PEX16: variants seen among roughly 807,000 people sequenced by gnomAD.
The protein encoded by PEX16 is peroxisomal biogenesis factor 16, also known as peroxin 16.
Under a neutral mutation model 50.5 loss-of-function variants are expected in PEX16, and 37 were observed. That is an observed-to-expected ratio of 0.73 (90% CI 0.56 to 0.96). The LOEUF (loss-of-function observed/expected upper bound fraction) is 0.96. Among genes scored for constraint, PEX16 ranks in the 40% least tolerant of loss-of-function variants. PEX16 has a pLI of 0.00. For missense variants in PEX16, 401 were observed against 438.3 expected, an observed-to-expected ratio of 0.91 and a Z score of 0.76; for synonymous variants, 185 against 190.3, an observed-to-expected ratio of 0.97 and a Z score of 0.23.
upstream of PEX16, chr11:45,918,254 G>C (rs761078747): frequency 3.7e-6 from 1 of 271,740 alleles, no homozygotes; most frequent in Admixed American, 5.0e-5. Context: ...TCGAACGGCA[G>C]GGCCGGATTT....
At chr11:45,917,235 G>A (rs1296552332) in intron 2 of PEX16, 10 of 691,938 alleles carry the variant, frequency 1.4e-5, no homozygotes, top group Non-Finnish European at 2.6e-5. Flanking sequence ...TCCAGCGCCT[G>A]GCCAGTAGTG....
chr11:45,914,029 G>C (rs1298559622), intron 8 of PEX16, 91 bp from the exon 9 acceptor site: 60 of 1,586,068 alleles, frequency 3.8e-5, no homozygotes, highest in Non-Finnish European at 5.0e-5. Context: ...CAGAGGGGCA[G>C]CAACAGGAGG....
intron 5 of PEX16, 39 bp from the exon 6 acceptor site, chr11:45,914,723 C>T (rs1215166989): frequency 6.4e-7 from 1 of 1,554,818 alleles, no homozygotes; most frequent in Non-Finnish European, 8.9e-7. Flanking sequence ...GTCAGAGGGA[C>T]ATGCTTCCAG....
In PEX16 at chr11:45,910,971, G is replaced by A; in HGVS notation, c.888-9C>T. On this transcript the variant is annotated splice_polypyrimidine_tract_variant and intron_variant, in intron 9 of 10. Coordinates refer to ENST00000378750, the MANE Select transcript of PEX16 (RefSeq NM_004813.4). The stretch of plus-strand genomic sequence containing the variant: ...GGAAGAGGATCCTGGCCCTGGGGGA[G>A]GCAATAAATGGGGAGCAAGCTGAGT... 6.2e-7 allele frequency: 1 copy of A among 1,611,590 alleles called. No individual in the cohort carries two copies. The highest frequency in any genetic ancestry group is 1.1e-5 in the South Asian group (1 of 91,064).
At chr11:45,917,588 C>G in intron 1 of PEX16, 95 bp from the exon 2 acceptor site, 2 of 1,522,188 alleles carry the variant, frequency 1.3e-6, no homozygotes, top group East Asian at 4.7e-5. Flanking sequence ...CTTTGGGAAC[C>G]TGGACGGGTC....
chr11:45,910,165 G>T lies in PEX16; in HGVS notation c.*89C>A, dbSNP rs757852866. ...CCTGGCCGGTAGGCACGGAGAGGCC[G>T]CACGCTGGGACGCTGCCGGAGTCAG... is the stretch of plus-strand genomic sequence containing the variant. On this transcript the variant is annotated 3_prime_UTR_variant, in exon 11 of 11. Coordinates refer to ENST00000378750, the MANE Select transcript of PEX16 (RefSeq NM_004813.4). The T allele has an allele frequency of 1.4e-5, 23 of 1,612,034 alleles. No individual in the cohort carries two copies. In the East Asian group the frequency reaches 5.1e-4, roughly 36 times the overall value.
chr11:45,914,725 T>G (rs753419743), intron 5 of PEX16, 41 bp from the exon 6 acceptor site: 1 of 1,546,756 alleles, frequency 6.5e-7, no homozygotes, highest in Non-Finnish European at 8.9e-7. Flanking sequence ...CAGAGGGACA[T>G]GCTTCCAGCG....
In PEX16 at chr11:45,914,620, C is replaced by T. The variant is rs936507537; in HGVS notation, c.525G>A (p.Val175=). Residue 175 remains valine (V), a synonymous_variant, in exon 6 of 11, where the codon GTG becomes GTA. Coordinates refer to ENST00000378750, the MANE Select transcript of PEX16 (RefSeq NM_004813.4). ...TCCACTTACTGTTCTGGAGGGTTCGCACCACCCGGTTTGACCGCTTCCCCA... is the reference window on the plus strand; with the variant it reads ...TCCACTTACTGTTCTGGAGGGTTCGTACCACCCGGTTTGACCGCTTCCCCA... ...SYVGKRSNRV[V]RTLQNTPSLH... 2.5e-6 allele frequency: 4 copies of T among 1,614,184 alleles called. No individual in the cohort carries two copies. Among genetic ancestry groups the T allele is most frequent in the East Asian group, 2.2e-5 (1 of 44,888 alleles).
In PEX16 at chr11:45,916,236, C is replaced by CT; in HGVS notation, c.215dup (p.Leu73ValfsTer34). 1.2e-6 allele frequency: 2 copies of CT among 1,613,852 alleles called. No homozygotes were observed. Among genetic ancestry groups the CT allele is most frequent in the Non-Finnish European group, 8.5e-7 (1 of 1,179,874 alleles). On this transcript the variant is annotated frameshift_variant, in exon 3 of 11. Transcript: ENST00000378750. LOFTEE classifies it high-confidence loss of function. ...TTGGCAGAATTCTCACCACAGGCAA[C>CT]TTTTTCCGAAGCTCCTTCCGTAGGA... is the stretch of plus-strand genomic sequence containing the variant.
rs368365098 is a variant in PEX16, at chr11:45,914,344, A to G, written c.666T>C (p.Phe222=). The G allele has an allele frequency of 2.5e-5, 41 of 1,612,360 alleles. No individual in the cohort carries two copies. The highest frequency in any genetic ancestry group is 3.3e-5 in the Non-Finnish European group (39 of 1,180,012). Residue 222 remains phenylalanine, a synonymous_variant, in exon 7 of 11, where the codon TTT becomes TTC. Coordinates refer to ENST00000378750, the MANE Select transcript of PEX16 (RefSeq NM_004813.4). ...PLGLQETIAE[F]LYIARPLLHL... is the part of the protein sequence containing the mutation. ...GCAGCAGCGGCCGGGCAATGTACAA[A>G]AACTCTGCGATGGTCTCCTGCAGCC...
intron 2 of PEX16, chr11:45,917,102 G>T (rs781060033): frequency 1.7e-6 from 1 of 583,738 alleles, no homozygotes. Flanking sequence ...TTGGTTCTGG[G>T]ACCATCAGTG....
chr11:45,917,576 C>T, intron 1 of PEX16, 83 bp from the exon 2 acceptor site: 3 of 1,553,972 alleles, frequency 1.9e-6, no homozygotes, highest in African/African-American at 1.4e-5. Context: ...CCTCCCTACG[C>T]CCTTTGGGAA....
chr11:45,913,759 C>T lies in PEX16; in HGVS notation c.887+60G>A, dbSNP rs954303507. The T allele has an allele frequency of 1.6e-5, 25 of 1,600,946 alleles. 1 individual carries two copies. The highest frequency in any genetic ancestry group is 1.7e-4 in the Middle Eastern group (1 of 6,058). On this transcript the variant is annotated intron_variant, in intron 9 of 10. Transcript: ENST00000378750. Reference sequence around the variant, plus strand: ...GGGAAGGGAAGGCGCCAGCAGGGACCGGAGCACCAGTGCCCGCTTGCCAGC... The same window carrying T: ...GGGAAGGGAAGGCGCCAGCAGGGACTGGAGCACCAGTGCCCGCTTGCCAGC...
chr11:45,911,273 C>A (rs1182175192), intron 9 of PEX16, among the ~76,000 whole-genome samples: 1 of 152,232 alleles, frequency 6.6e-6, no homozygotes, highest in Admixed American at 6.5e-5. Context: ...TGTGGAGCAG[C>A]GCCCTGGCAG....
chr11:45,917,098 C>T, intron 2 of PEX16: 1 of 576,934 alleles, frequency 1.7e-6, no homozygotes, highest in South Asian at 1.5e-5. Context: ...AATCTTGGTT[C>T]TGGGACCATC....
Position 45,915,488 on chromosome 11 carries a change from T to G in PEX16, c.440A>C (p.Glu147Ala), listed in dbSNP as rs1485548592. 1 of 1,614,106 alleles carries G rather than the reference T, an allele frequency of 6.2e-7. No individual in the cohort carries two copies. The change falls in exon 5 of 11, where the codon GAG becomes GCG. Residue 147 changes from glutamate (E) to alanine (A), a missense_variant. By Grantham distance (107) the Glu-to-Ala change is moderately radical. Transcript: ENST00000378750. ...CTCACCCGGGGGCTGTGCCTGGGTC[T>G]CTCTGTCCAGTGGAACGATAGGGGG... ...TSPPIVPLDR[E>A]TQAQPPDGDH...
Position 45,916,225 on chromosome 11 carries a change from A to G in PEX16, c.225+2T>C. The G allele has an allele frequency of 1.9e-6, 3 of 1,612,494 alleles. No individual in the cohort carries two copies. The highest frequency in any genetic ancestry group is 2.5e-6 in the Non-Finnish European group (3 of 1,178,808). On this transcript the variant is annotated splice_donor_variant, in intron 3 of 10. Coordinates refer to ENST00000378750, the MANE Select transcript of PEX16 (RefSeq NM_004813.4). LOFTEE classifies it high-confidence loss of function. ...CCACCCTGTTCTTGGCAGAATTCTC[A>G]CCACAGGCAACTTTTTCCGAAGCTC... is the stretch of plus-strand genomic sequence containing the variant.
upstream of PEX16, chr11:45,918,445 C>T (rs1054018756): frequency 1.8e-5 from 3 of 168,584 alleles, no homozygotes; most frequent in African/African-American, 7.2e-5. Flanking sequence ...GAGTCCAGCC[C>T]TCTAGTGCCG....
chr11:45,918,800 G>GCAC (rs2086869021), upstream of PEX16: 1 of 152,286 alleles, frequency 6.6e-6, no homozygotes, highest in Admixed American at 6.5e-5. Context: ...GGAACGGGTG[G>GCAC]CACCGGGAGA....
Sources: gnomAD v4.1 joint callset for allele counts (sites outside exome capture counted in the v4.1 genomes callset) on GRCh38, gnomAD v4.1.1 for gene constraint, MANE v1.5 for transcripts, NCBI Gene and HGNC (gene_info 2026-07-23, HGNC 2026-07-21) for gene names.